The following MROH1 variants were observed in gnomAD, a reference collection of about 807,000 sequenced individuals.
MROH1 encodes the protein maestro heat-like repeat-containing protein family member 1.
Under a neutral mutation model 116.5 loss-of-function variants are expected in MROH1, and 117 were observed. The ratio of observed to expected loss-of-function variants is 1.00; its 90% confidence interval spans 0.86 to 1.17. MROH1 has a LOEUF of 1.17. Among genes scored for constraint, MROH1 ranks in the 50% most tolerant of loss-of-function variants. MROH1 has a pLI of 0.00. For missense variants in MROH1, 1,873 were observed against 1,338.5 expected (o/e 1.40, Z -6.23); for synonymous variants, 921 against 583.9 (o/e 1.58, Z -8.32).
chr8:144,168,350 G>A lies in MROH1; in HGVS notation c.78G>A (p.Glu26=). 6.2e-7 allele frequency: 1 copy of A among 1,610,960 alleles called. No homozygotes were observed. Among genetic ancestry groups the A allele is most frequent in the Non-Finnish European group, 8.5e-7 (1 of 1,179,712 alleles). Residue 26 remains glutamate, a synonymous_variant, in exon 4 of 44, where the codon GAG becomes GAA. Coordinates refer to ENST00000326134, the MANE Select transcript of MROH1 (RefSeq NM_032450.3). ...AITDKDPLVQ[E]QVCSALCSLG... The stretch of plus-strand genomic sequence containing the variant: ...CCGATAAGGACCCCCTGGTGCAGGA[G>A]CAGGTCTGCAGTGCCCTGTGCTCCC...
chr8:144,222,526 A>C lies in MROH1; in HGVS notation c.1216-582A>C, dbSNP rs149767769. ...TGCAGGTGCAGGTACAGGTACATCCAGGTACAGGTGTGGGTGCAGACCCAG... is the reference window on the plus strand; with the variant it reads ...TGCAGGTGCAGGTACAGGTACATCCCGGTACAGGTGTGGGTGCAGACCCAG... On this transcript the variant is annotated intron_variant, in intron 13 of 43. Transcript: ENST00000326134. Among the ~76,000 whole-genome samples, 306 of 152,232 alleles carry C rather than the reference A, an allele frequency of 2.0e-3. 1 individual carries two copies. The highest frequency in any genetic ancestry group is 7.1e-3 in the African/African-American group (294 of 41,530).
intron 12 of MROH1, among the ~76,000 whole-genome samples, chr8:144,206,162 G>T (rs1427062919): frequency 6.6e-6 from 1 of 152,108 alleles, no homozygotes; most frequent in Non-Finnish European, 1.5e-5. Flanking sequence ...GGATCTTCCT[G>T]CCTCGGCCTC....
At chr8:144,188,117 T>C (rs1020558867) in intron 7 of MROH1, among the ~76,000 whole-genome samples, 15 of 152,198 alleles carry the variant, frequency 9.9e-5, no homozygotes, top group Non-Finnish European at 1.9e-4. Flanking sequence ...AGTGATTTCT[T>C]AAGATACAAA....
rs373809609 is a variant in MROH1 at position 144,180,303 on chromosome 8, C to T, written c.426C>T (p.Ala142=). 1.7e-4 allele frequency: 268 copies of T among 1,607,430 alleles called. No homozygotes were observed. The highest frequency in any genetic ancestry group is 1.9e-4 in the Non-Finnish European group (225 of 1,179,612). ...ACCCTGGGACCCTGCCACACTGCGCCGTGCTGCACACCCTCGCCAGCCTCT... is the reference window on the plus strand; with the variant it reads ...ACCCTGGGACCCTGCCACACTGCGCTGTGCTGCACACCCTCGCCAGCCTCT... ...RLHPGTLPHC[A]VLHTLASLSV... is the part of the protein sequence containing the mutation. The change falls in exon 6 of 44, where the codon GCC becomes GCT. Residue 142 remains alanine, a synonymous_variant. Coordinates refer to ENST00000326134, the MANE Select transcript of MROH1 (RefSeq NM_032450.3). The surrounding 1 kb of genome is among the most constrained non-coding windows in gnomAD (Gnocchi z 7.4).
Position 144,234,891 on chromosome 8 carries a change from C to CTTTTTTTTTT in MROH1, c.1339-3855_1339-3846dup, listed in dbSNP as rs781998549. On this transcript the variant is annotated intron_variant, in intron 14 of 43. Transcript: ENST00000326134. ...AGAAAAACAATTATCCTTTTTCTTT[C>CTTTTTTTTTT]TTTTTTTTTTTTTTTTTTTGAGACA... is the stretch of plus-strand genomic sequence containing the variant. Among the ~76,000 whole-genome samples the CTTTTTTTTTT allele has an allele frequency of 2.7e-4, 28 of 103,518 alleles. 2 individuals carry two copies. The highest frequency in any genetic ancestry group is 8.7e-4 in the East Asian group (3 of 3,446). The allele number at this position is 103,518 out of a possible 152,430, so 67.9% of individuals were successfully genotyped here.
chr8:144,260,780 G>A lies in MROH1; in HGVS notation c.4484G>A (p.Gly1495Glu). The A allele has an allele frequency of 1.3e-6, 1 of 778,660 alleles. No individual in the cohort carries two copies. Among genetic ancestry groups the A allele is most frequent in the East Asian group, 2.4e-5 (1 of 41,252 alleles). The allele number at this position is 778,660 out of a possible 1,614,324, so 48.2% of individuals were successfully genotyped here. A position where few individuals can be genotyped will look rare whatever the true frequency, so the allele number is the denominator to read the frequency against. ...GTCTTCCTGGACCAGGTGGTGGGCG[G>A]GCTGGCGCCCCTGCTGCTGCACCTG... ...EDVFLDQVVG[G>E]LAPLLLHLQD... Residue 1495 changes from glycine to glutamate, a missense_variant, in exon 40 of 44, where the codon GGG becomes GAG. By Grantham distance (98) the Gly-to-Glu change is moderately conservative. Coordinates refer to ENST00000326134, the MANE Select transcript of MROH1 (RefSeq NM_032450.3).
chr8:144,261,351 T>G lies in MROH1; in HGVS notation c.4840+2T>G. 1.4e-6 allele frequency: 1 copy of G among 704,904 alleles called. No homozygotes were observed. 43.7% of individuals were successfully genotyped at this position (704,904 alleles called of 1,614,324 possible). On this transcript the variant is annotated splice_donor_variant, in intron 43 of 43. Coordinates refer to ENST00000326134, the MANE Select transcript of MROH1 (RefSeq NM_032450.3). LOFTEE classifies it high-confidence loss of function. Reference sequence around the variant, plus strand: ...TGGACCTGGACCAGCTCATTGCGGGTGAGCACCCCTCCACGGGGCCCCTCC... The same window carrying G: ...TGGACCTGGACCAGCTCATTGCGGGGGAGCACCCCTCCACGGGGCCCCTCC...
At chr8:144,170,197 T>C (rs537331177) in intron 4 of MROH1, among the ~76,000 whole-genome samples, 1 of 152,282 alleles carries the variant, frequency 6.6e-6, no homozygotes, top group African/African-American at 2.4e-5. Context: ...GCAGAGCAGA[T>C]CTGAGAAGGA....
intron 4 of MROH1, among the ~76,000 whole-genome samples, chr8:144,170,365 T>G (rs1277257712): frequency 6.6e-6 from 1 of 152,242 alleles, no homozygotes; most frequent in African/African-American, 2.4e-5. Context: ...ATTTACATAT[T>G]ATACACATGC....
At chr8:144,150,390 T>C (rs1816418376) in intron 1 of MROH1, among the ~76,000 whole-genome samples, 1 of 152,126 alleles carries the variant, frequency 6.6e-6, no homozygotes, top group Non-Finnish European at 1.5e-5. Context: ...GGCATTTGTG[T>C]TTTTTTCTGA....
chr8:144,247,889 T>C (rs1842172553), intron 31 of MROH1, among the ~76,000 whole-genome samples: 1 of 152,232 alleles, frequency 6.6e-6, no homozygotes, highest in Admixed American at 6.5e-5. Flanking sequence ...GGCAGTGCAG[T>C]CCATATGAGA....
intron 12 of MROH1, among the ~76,000 whole-genome samples, chr8:144,204,213 C>T (rs1295334888): frequency 2.0e-5 from 3 of 152,160 alleles, no homozygotes; most frequent in African/African-American, 7.2e-5. Context: ...TGTGCTCAAG[C>T]AATTCTCCCA....
chr8:144,204,250 G>A (rs1274454193), intron 12 of MROH1, among the ~76,000 whole-genome samples: 1 of 152,124 alleles, frequency 6.6e-6, no homozygotes, highest in African/African-American at 2.4e-5. Context: ...AGCTGGGACT[G>A]CGGGTGTGCA....
intron 33 of MROH1, among the ~76,000 whole-genome samples, chr8:144,252,993 TA>T (rs1843092260): frequency 6.8e-6 from 1 of 147,868 alleles, no homozygotes; most frequent in African/African-American, 2.5e-5. Context: ...TATATATATA[TA>T]TATATATGAA....
At chr8:144,216,609 G>C (rs149496702) in intron 12 of MROH1, among the ~76,000 whole-genome samples, 41 of 152,136 alleles carry the variant, frequency 2.7e-4, no homozygotes, top group African/African-American at 8.9e-4. Context: ...GTGTTCTGGT[G>C]GTCCCACTGT....
In MROH1 at chr8:144,261,783, T is replaced by C; in HGVS notation, c.*43T>C. ...CCAGCGAGGAGTATGCACCCAGACC[T>C]GTGCCTGAGCTCCAAGACAGGGCCT... On this transcript the variant is annotated 3_prime_UTR_variant, in exon 44 of 44. Transcript: ENST00000326134. 8.5e-6 allele frequency: 6 copies of C among 701,780 alleles called. No homozygotes were observed. The South Asian group carries it at 8.9e-5, about 10-fold the overall frequency. 43.5% of individuals were successfully genotyped at this position (701,780 alleles called of 1,614,324 possible).
Position 144,191,709 on chromosome 8 carries a change from T to C in MROH1, c.715-6T>C, listed in dbSNP as rs764708197. 3.7e-6 allele frequency: 6 copies of C among 1,612,234 alleles called. 1 individual carries two copies. The South Asian group carries it at 5.5e-5, about 15-fold the overall frequency. On this transcript the variant is annotated splice_polypyrimidine_tract_variant and splice_region_variant and intron_variant, in intron 8 of 43. Coordinates refer to ENST00000326134, the MANE Select transcript of MROH1 (RefSeq NM_032450.3). ...CGTAAGCTTCCCGCCCACTGTCCCC[T>C]CTCAGCTCCGTCTTGCCGTGGTGGA... is the stretch of plus-strand genomic sequence containing the variant.
chr8:144,247,307 G>T lies in MROH1; in HGVS notation c.2878G>T (p.Val960Leu). The T allele has an allele frequency of 1.3e-6, 1 of 771,634 alleles. No homozygotes were observed. The highest frequency in any genetic ancestry group is 2.4e-6 in the Non-Finnish European group (1 of 416,758). 47.8% of individuals were successfully genotyped at this position (771,634 alleles called of 1,614,324 possible). A position where few individuals can be genotyped will look rare whatever the true frequency, so the allele number is the denominator to read the frequency against. Residue 960 changes from valine to leucine, a missense_variant, in exon 30 of 44, where the codon GTG becomes TTG. By Grantham distance (32) the Val-to-Leu change is conservative. Coordinates refer to ENST00000326134, the MANE Select transcript of MROH1 (RefSeq NM_032450.3). ...CAGGCATCTCCTCCTCCAGGCCCTG[G>T]TGCCCTTCCACAACCTGGGCCTTCT... is the stretch of plus-strand genomic sequence containing the variant. ...FLEHLRVSAL[V>L]PFHNLGLLIG...
chr8:144,247,570 T>C lies in MROH1; in HGVS notation c.3011T>C (p.Phe1004Ser). 1 of 774,524 alleles carries C rather than the reference T, an allele frequency of 1.3e-6. No individual in the cohort carries two copies. 48.0% of individuals were successfully genotyped at this position (774,524 alleles called of 1,614,324 possible). ...GCTCATTCCTGCCGCCTCTCAGGCT[T>C]CTCCCGGGACTACCGCGATGACGTG... Reference protein sequence around the residue: ...LLYLQLGYEGFSRDYRDDVAE... With the variant: ...LLYLQLGYEGSSRDYRDDVAE... The change falls in exon 31 of 44, where the codon TTC becomes TCC. Residue 1004 changes from phenylalanine to serine, a missense_variant. Physicochemically the swap from Phe to Ser is radical, Grantham distance 155. Transcript: ENST00000326134.
Sources: allele counts gnomAD v4.1 joint callset (sites outside exome capture counted in the v4.1 genomes callset), GRCh38; gene constraint gnomAD v4.1.1; non-coding constraint Gnocchi (gnomAD v3.1); transcripts MANE v1.5; gene names NCBI Gene and HGNC (gene_info 2026-07-23, HGNC 2026-07-21).